The following ACTA2 variants were observed in gnomAD, a reference collection of about 807,000 sequenced individuals.
ACTA2 encodes actin alpha 2, smooth muscle.
Under a neutral mutation model 39.5 loss-of-function variants are expected in ACTA2, and 12 were observed. That is an observed-to-expected ratio of 0.30 (90% confidence interval 0.19 to 0.49). ACTA2 has a LOEUF of 0.49. Among genes scored for constraint, ACTA2 ranks in the 20% least tolerant of loss-of-function variants. ACTA2 has a pLI of 0.99. For missense variants in ACTA2, 236 were observed against 498.8 expected, an observed-to-expected ratio of 0.47 and a Z score of 5.02; for synonymous variants, 158 against 180.6, an observed-to-expected ratio of 0.88 and a Z score of 1.00.
intron 3 of ACTA2, 99 bp downstream of exon 3, chr10:88,947,159 G>A: frequency 1.3e-6 from 2 of 1,518,266 alleles, no homozygotes; most frequent in Admixed American, 3.5e-5. Flanking sequence ...GTTGAGCAAT[G>A]TGAGCCAGTT....
chr10:88,940,794 G>T (rs906943052), intron 6 of ACTA2: 9 of 296,330 alleles, frequency 3.0e-5, no homozygotes, highest in Non-Finnish European at 4.7e-5. Flanking sequence ...GTGATATAGG[G>T]TCTATTATTA....
At position 88,943,827 on chromosome 10, in the gene ACTA2, G is replaced by C. The variant is rs113622728; in HGVS notation, c.339C>G (p.Asn113Lys). The change falls in exon 4 of 9, where the codon AAC becomes AAG. Residue 113 changes from asparagine to lysine, a missense_variant. By Grantham distance (94) the Asn-to-Lys change is moderately conservative (BLOSUM62 0). Transcript: ENST00000224784. The part of the protein sequence containing the change: ...HPTLLTEAPL[N>K]PKANREKMTQ... ...TCATTTTCTCCCGGTTGGCCTTGGG[G>C]TTCAGGGGTGCCTCCGTGAGCAGGG... 6.2e-7 allele frequency: 1 copy of C among 1,614,030 alleles called. No homozygotes were observed. The highest frequency in any genetic ancestry group is 8.5e-7 in the Non-Finnish European group (1 of 1,179,930).
At chr10:88,977,163 T>C (rs546902685) in intron 1 of ACTA2, among the ~76,000 whole-genome samples, 107 of 152,094 alleles carry the variant, frequency 7.0e-4, no homozygotes, top group Middle Eastern at 3.4e-3. Context: ...AGCTCTGTAG[T>C]TTAATTAGAT....
At chr10:88,986,264 G>T (rs1321323777) in intron 1 of ACTA2, among the ~76,000 whole-genome samples, 2 of 152,122 alleles carry the variant, frequency 1.3e-5, no homozygotes, top group East Asian at 3.9e-4. Context: ...TAACACCCAG[G>T]GGGTAGGCAT....
upstream of ACTA2, among the ~76,000 whole-genome samples, chr10:88,953,942 C>T (rs940918556): frequency 6.6e-5 from 10 of 152,050 alleles, no homozygotes; most frequent in Admixed American, 1.3e-4. Flanking sequence ...TATAAATTAC[C>T]CAGTCTTGGG....
rs1412507561 is a variant in ACTA2, at chr10:88,943,862, C to G, written c.304G>C (p.Glu102Gln). ...FYNELRVAPEEHPTLLTEAPL... is the reference protein window; with the variant it reads ...FYNELRVAPEQHPTLLTEAPL... ...GCCTCCGTGAGCAGGGTGGGATGCT[C>G]TTCAGGGGCAACACGAAGCTCATTG... Residue 102 changes from glutamate to glutamine, a missense_variant, in exon 4 of 9, where the codon GAG (glutamate) becomes CAG (glutamine). By Grantham distance (29) the Glu-to-Gln change is conservative (BLOSUM62 2). Coordinates refer to ENST00000224784, the MANE Select transcript of ACTA2 (RefSeq NM_001613.4). The G allele has an allele frequency of 6.2e-7, 1 of 1,613,806 alleles. No homozygotes were observed. The highest frequency in any genetic ancestry group is 1.3e-5 in the African/African-American group (1 of 74,860).
intron 1 of ACTA2, among the ~76,000 whole-genome samples, chr10:88,972,090 G>A (rs1287805191): frequency 6.6e-6 from 1 of 151,828 alleles, no homozygotes. Context: ...TGTATTTTTA[G>A]TAGAGACAGG....
chr10:88,973,495 C>T (rs1370003866), intron 1 of ACTA2: 2 of 688,396 alleles, frequency 2.9e-6, no homozygotes, highest in South Asian at 4.0e-5. Context: ...TTCTCAAGTA[C>T]TCATGGATGT....
At chr10:88,947,732 T>C (rs963265854) in intron 2 of ACTA2, among the ~76,000 whole-genome samples, 6 of 152,238 alleles carry the variant, frequency 3.9e-5, no homozygotes, top group Non-Finnish European at 1.5e-5. Context: ...CACTCAATAA[T>C]TATTTGTTGA....
intron 1 of ACTA2, chr10:88,973,350 A>C (rs532559607): frequency 5.4e-6 from 8 of 1,490,754 alleles, no homozygotes; most frequent in Admixed American, 2.2e-5. Context: ...GTGATTAGGT[A>C]ATCCAAGAAT....
chr10:88,958,177 A>G (rs1178368111), intron 1 of ACTA2, among the ~76,000 whole-genome samples: 2 of 151,842 alleles, frequency 1.3e-5, no homozygotes, highest in East Asian at 3.9e-4. Context: ...CAACTATAAT[A>G]TGTTTGAAGG....
chr10:88,979,020 T>C (rs73364898), intron 1 of ACTA2, among the ~76,000 whole-genome samples: 3,526 of 152,132 alleles, frequency 0.023, 128 homozygotes, highest in African/African-American at 0.077. Flanking sequence ...ATAAAGTTTA[T>C]TCTGTTAATA....
chr10:88,975,042 T>C (rs1226940610), intron 1 of ACTA2: 1 of 152,228 alleles, frequency 6.6e-6, no homozygotes, highest in Non-Finnish European at 1.5e-5. Context: ...TTTACTGTAA[T>C]TTCTAGCATG....
chr10:88,976,910 T>C (rs921519308), intron 1 of ACTA2, among the ~76,000 whole-genome samples: 1 of 152,220 alleles, frequency 6.6e-6, no homozygotes, highest in South Asian at 2.1e-4. Flanking sequence ...TGTAGAGAAG[T>C]TGCATTGTGC....
intron 3 of ACTA2, among the ~76,000 whole-genome samples, chr10:88,944,188 T>C (rs981594107): frequency 6.6e-6 from 1 of 152,158 alleles, no homozygotes. Flanking sequence ...TGATCAAACC[T>C]TGGGTTCAAA....
intron 1 of ACTA2, among the ~76,000 whole-genome samples, chr10:88,957,988 G>A (rs1300050122): frequency 1.3e-5 from 2 of 151,804 alleles, no homozygotes; most frequent in African/African-American, 4.8e-5. Context: ...GGCTGATCTC[G>A]AACTCCTGAC....
chr10:88,945,810 G>A (rs1845936331), intron 3 of ACTA2, among the ~76,000 whole-genome samples: 1 of 152,158 alleles, frequency 6.6e-6, no homozygotes, highest in Admixed American at 6.6e-5. Flanking sequence ...GATGTTTAGA[G>A]TGAGTTAATG....
chr10:88,972,853 T>G (rs1846480467), intron 1 of ACTA2, among the ~76,000 whole-genome samples: 1 of 152,240 alleles, frequency 6.6e-6, no homozygotes, highest in Non-Finnish European at 1.5e-5. Flanking sequence ...TGTTTCTGAT[T>G]GTTTTTCCAG....
At chr10:88,947,997 C>G (rs1425099579) in intron 2 of ACTA2, among the ~76,000 whole-genome samples, 1 of 152,000 alleles carries the variant, frequency 6.6e-6, no homozygotes, top group Non-Finnish European at 1.5e-5. Context: ...AGGTGAAGTT[C>G]TTAAAAAATT....
Sources: gnomAD v4.1 joint callset for allele counts (sites outside exome capture counted in the v4.1 genomes callset) on GRCh38, gnomAD v4.1.1 for gene constraint, MANE v1.5 for transcripts, NCBI Gene and HGNC (gene_info 2026-07-23, HGNC 2026-07-21) for gene names.